GUCY1A1: variants seen among roughly 807,000 people sequenced by gnomAD.
GUCY1A1 encodes the protein guanylate cyclase 1 soluble subunit alpha 1, also known as guanylate cyclase soluble subunit alpha-1.
In GUCY1A1, 48 loss-of-function variants were observed where a neutral mutation model predicts 64.5. The observed-to-expected ratio is 0.74, with a 90% CI of 0.59 to 0.95. GUCY1A1 has a LOEUF of 0.95. Ranked by LOEUF, GUCY1A1 falls within the 40% of genes least tolerant of loss-of-function variation. GUCY1A1 has a pLI of 0.00. For synonymous variants in GUCY1A1, 308 were observed against 303.4 expected (o/e 1.02, Z -0.16); for missense variants, 804 against 825.3 (o/e 0.97, Z 0.32).
intron 2 of GUCY1A1, among the ~76,000 whole-genome samples, chr4:155,673,300 A>C (rs1007107213): frequency 6.6e-6 from 1 of 151,608 alleles, no homozygotes; most frequent in African/African-American, 2.4e-5. Context: ...TTTATGACAC[A>C]CACTCCTTGA....
intron 3 of GUCY1A1, among the ~76,000 whole-genome samples, chr4:155,697,687 C>T (rs1415588948): frequency 1.3e-5 from 2 of 152,200 alleles, no homozygotes; most frequent in Non-Finnish European, 2.9e-5. Flanking sequence ...TTGACTTTCT[C>T]CCTTGGGTCG....
rs1260979202 is a variant in GUCY1A1, at chr4:155,735,609, T to C, written c.*5378T>C. The C allele has an allele frequency of 6.6e-6, 1 of 151,996 alleles. No individual in the cohort carries two copies. The highest frequency in any genetic ancestry group is 2.4e-5 in the African/African-American group (1 of 41,426). The allele number at this position is 151,996 out of a possible 1,614,324, so 9.4% of individuals were successfully genotyped here. A position where few individuals can be genotyped will look rare whatever the true frequency, so the allele number is the denominator to read the frequency against. ...CCTTCCAGATTGTGAGGAAAATTAC[T>C]TGGCTGAAAATGACTTTGCATAATG... is the stretch of plus-strand genomic sequence containing the variant. On this transcript the variant is annotated 3_prime_UTR_variant, in exon 10 of 10. Coordinates refer to ENST00000506455, the MANE Select transcript of GUCY1A1 (RefSeq NM_001130682.3).
intron 4 of GUCY1A1, among the ~76,000 whole-genome samples, chr4:155,705,343 G>A (rs565323069): frequency 9.2e-5 from 14 of 152,162 alleles, no homozygotes; most frequent in South Asian, 4.1e-4. Context: ...GCGGTCAGGA[G>A]TTCGAGACCA....
At chr4:155,690,755 C>A (rs989439081) in intron 2 of GUCY1A1, among the ~76,000 whole-genome samples, 4 of 152,150 alleles carry the variant, frequency 2.6e-5, no homozygotes, top group African/African-American at 9.7e-5. Flanking sequence ...CACTATATCC[C>A]TCCCCTTTTT....
intron 7 of GUCY1A1, among the ~76,000 whole-genome samples, chr4:155,716,736 T>C (rs1296236715): frequency 6.6e-6 from 1 of 152,152 alleles, no homozygotes; most frequent in Non-Finnish European, 1.5e-5. Flanking sequence ...TATTGAGTAG[T>C]GACTTGAGGC....
At chr4:155,722,525 G>A (rs899527487) in intron 9 of GUCY1A1, 337 of 792,698 alleles carry the variant, frequency 4.3e-4, no homozygotes, top group Non-Finnish European at 5.0e-4. Flanking sequence ...GTGCAGTTCT[G>A]GCAGTAAACA....
chr4:155,668,112 G>T (rs971300780), intron 2 of GUCY1A1: 2 of 152,386 alleles, frequency 1.3e-5, no homozygotes, highest in Non-Finnish European at 2.9e-5. Flanking sequence ...TGGAGAAAGC[G>T]TGAGCAGGGG....
Position 155,735,071 on chromosome 4 carries a change from T to C in GUCY1A1, c.*4840T>C, listed in dbSNP as rs939424216. On this transcript the variant is annotated 3_prime_UTR_variant, in exon 10 of 10. Transcript: ENST00000506455. ...TTATTATATTGATGATGTGCACTCA[T>C]TCAGTATTCTTATTTTAAGCTGCAG... The C allele has an allele frequency of 2.6e-5, 4 of 151,932 alleles. No individual in the cohort carries two copies. The highest frequency in any genetic ancestry group is 7.2e-5 in the African/African-American group (3 of 41,398). The allele number at this position is 151,932 out of a possible 1,614,324, so 9.4% of individuals were successfully genotyped here.
chr4:155,696,644 T>C, intron 2 of GUCY1A1, 112 bp from the exon 3 acceptor site: 1 of 414,392 alleles, frequency 2.4e-6, no homozygotes, highest in Non-Finnish European at 4.3e-6. Flanking sequence ...TCCAGCAGAA[T>C]TTTTTTAACT....
rs544773647 is a variant in GUCY1A1 at position 155,675,107 on chromosome 4, T to C, written c.-113+7688T>C. ...CCATAGCTGACAGAAACATTGTTAT[T>C]TGGCACGTGACAGTATATGCACTGG... On this transcript the variant is annotated intron_variant, in intron 2 of 9. Transcript: ENST00000506455. Among the ~76,000 whole-genome samples the C allele has an allele frequency of 2.0e-5, 3 of 151,690 alleles. 1 individual carries two copies. Among genetic ancestry groups the C allele is most frequent in the Admixed American group, 6.5e-5 (1 of 15,288 alleles).
intron 4 of GUCY1A1, among the ~76,000 whole-genome samples, chr4:155,707,956 A>T (rs1732019275): frequency 6.6e-6 from 1 of 150,944 alleles, no homozygotes; most frequent in Non-Finnish European, 1.5e-5. Context: ...CTTCTGCCTC[A>T]GCCTCCCAAG....
At chr4:155,708,179 C>A in intron 4 of GUCY1A1, 57 bp from the exon 5 acceptor site, 1 of 868,754 alleles carries the variant, frequency 1.2e-6, no homozygotes, top group South Asian at 1.4e-5. Context: ...ATATTATAAT[C>A]TGAACTTTTA....
intron 2 of GUCY1A1, among the ~76,000 whole-genome samples, chr4:155,689,416 ATACT>A (rs1382195488): frequency 6.6e-6 from 1 of 152,166 alleles, no homozygotes; most frequent in Non-Finnish European, 1.5e-5. Flanking sequence ...AGTAGTGATG[ATACT>A]TAATTTGAAG....
chr4:155,667,462 A>T (rs925864000), intron 2 of GUCY1A1, 43 bp downstream of exon 2: 1 of 152,314 alleles, frequency 6.6e-6, no homozygotes, highest in Non-Finnish European at 1.5e-5. Flanking sequence ...GGTTCTTCAG[A>T]CAGGCGGTCC....
At chr4:155,692,433 C>G (rs1164002581) in intron 2 of GUCY1A1, among the ~76,000 whole-genome samples, 1 of 152,124 alleles carries the variant, frequency 6.6e-6, no homozygotes, top group Non-Finnish European at 1.5e-5. Flanking sequence ...AAAAAGCATT[C>G]CTTTTTCTCC....
In GUCY1A1 at chr4:155,675,498, G is replaced by A. The variant is rs550639603; in HGVS notation, c.-113+8079G>A. On this transcript the variant is annotated intron_variant, in intron 2 of 9. Transcript: ENST00000506455. ...ATTAGCAAAAGGCAGGCTTCCCAGCGAAAACAAACGTCTTTGGGTAAAATT... is the reference window on the plus strand; with the variant it reads ...ATTAGCAAAAGGCAGGCTTCCCAGCAAAAACAAACGTCTTTGGGTAAAATT... Among the ~76,000 whole-genome samples, 122 of 151,622 alleles carry A rather than the reference G, an allele frequency of 8.0e-4. 2 individuals carry two copies. The highest frequency in any genetic ancestry group is 2.4e-3 in the Admixed American group (36 of 15,278).
chr4:155,727,176 C>T (rs1734808426), intron 9 of GUCY1A1, among the ~76,000 whole-genome samples: 1 of 151,912 alleles, frequency 6.6e-6, no homozygotes, highest in African/African-American at 2.4e-5. Flanking sequence ...AAAATGTCCA[C>T]CTATGAGGAC....
Position 155,711,143 on chromosome 4 carries a change from T to C in GUCY1A1, c.978T>C (p.Ile326=). 1.2e-6 allele frequency: 2 copies of C among 1,613,878 alleles called. No homozygotes were observed. Among genetic ancestry groups the C allele is most frequent in the Non-Finnish European group, 1.7e-6 (2 of 1,179,740 alleles). The part of the protein sequence containing the change: ...GKPNFEEYFE[I]LTPKINQTFS... The stretch of plus-strand genomic sequence containing the variant: ...CTAATTTTGAAGAATACTTTGAAAT[T>C]CTGACTCCAAAAATCAACCAGACGT... The change falls in exon 6 of 10, where the codon ATT becomes ATC. Residue 326 remains isoleucine, a synonymous_variant. Coordinates refer to ENST00000506455, the MANE Select transcript of GUCY1A1 (RefSeq NM_001130682.3).
In GUCY1A1 at chr4:155,733,303, T is replaced by C. The variant is rs371177851; in HGVS notation, c.*3072T>C. On this transcript the variant is annotated 3_prime_UTR_variant, in exon 10 of 10. Transcript: ENST00000506455. ...AGAAGTCTTTTGGTCTTAGAGTTCA[T>C]CAAGCAGAGAAGGGGAAGGACATGG... Among the ~76,000 whole-genome samples, 264 of 151,654 alleles carry C rather than the reference T, an allele frequency of 1.7e-3. No homozygotes were observed. The highest frequency in any genetic ancestry group is 6.0e-3 in the African/African-American group (247 of 41,436).
Sources: gnomAD v4.1 joint callset for allele counts (sites outside exome capture counted in the v4.1 genomes callset) on GRCh38, gnomAD v4.1.1 for gene constraint, MANE v1.5 for transcripts, NCBI Gene and HGNC (gene_info 2026-07-23, HGNC 2026-07-21) for gene names.